NUP210L: variants seen among roughly 807,000 people sequenced by gnomAD.
The protein encoded by NUP210L is nucleoporin 210 like.
Under a neutral mutation model 208.5 loss-of-function variants are expected in NUP210L, and 74 were observed. The ratio of observed to expected loss-of-function variants is 0.35; its 90% CI spans 0.29 to 0.43. The LOEUF (loss-of-function observed/expected upper bound fraction) is 0.43, where lower values mean the gene tolerates loss of function less well. NUP210L is among the 20% of genes least tolerant of loss of function. The probability of loss-of-function intolerance (pLI) is 1.00; values close to 1 mark genes in which losing one functional copy is unlikely to be tolerated. For synonymous variants in NUP210L, 780 were observed against 816.9 expected (o/e 0.95, Z 0.77); for missense variants, 1,843 against 2,289.4 (o/e 0.81, Z 3.98).
rs866622182 is a variant in NUP210L, at chr1:154,112,299, G to A, written c.1620+5426C>T. 5.9e-5 allele frequency among the ~76,000 whole-genome samples: 9 copies of A among 152,120 alleles called. No individual in the cohort carries two copies. In the Middle Eastern group the frequency reaches 0.01, roughly 172 times the overall value. On this transcript the variant is annotated intron_variant, in intron 12 of 39. Coordinates refer to ENST00000368559, the Ensembl canonical transcript of NUP210L. ...CTCACTCCTGTAATCCTAACACTTC[G>A]GGAGGCTGAGGTGGGAGGATTGCTT...
Position 154,001,998 on chromosome 1 carries a change from G to A in NUP210L, c.4931-13C>T, listed in dbSNP as rs759605210. The stretch of plus-strand genomic sequence containing the variant: ...CAGACATAAACCCCTGGAAAAAAAA[G>A]AGGAAAAACTGAGCAGGAAGGTTCA... On this transcript the variant is annotated splice_polypyrimidine_tract_variant and intron_variant, in intron 35 of 39. Transcript: ENST00000368559. 8 of 1,611,276 alleles carry A rather than the reference G, an allele frequency of 5.0e-6. No homozygotes were observed. The African/African-American group carries it at 5.3e-5, about 11-fold the overall frequency.
exon 35 of NUP210L, chr1:154,010,026 C>T: frequency 6.2e-7 from 1 of 1,613,496 alleles, no homozygotes; most frequent in South Asian, 1.1e-5. Flanking sequence ...GCTGGAATGT[C>T]TAGCAAAGTA....
intron 27 of NUP210L, among the ~76,000 whole-genome samples, chr1:154,034,877 T>C (rs1652447131): frequency 6.6e-6 from 1 of 151,224 alleles, no homozygotes; most frequent in South Asian, 2.1e-4. Context: ...AATCTTGCTC[T>C]GTTGCCCAGG....
chr1:154,099,731 C>G (rs759117609), intron 14 of NUP210L, among the ~76,000 whole-genome samples: 6 of 152,116 alleles, frequency 3.9e-5, no homozygotes, highest in Admixed American at 6.5e-5. Flanking sequence ...ATATTTTATA[C>G]CTCAGTAAAA....
At chr1:154,082,262 G>C (rs1423617599) in intron 16 of NUP210L, among the ~76,000 whole-genome samples, 1 of 152,176 alleles carries the variant, frequency 6.6e-6, no homozygotes, top group Non-Finnish European at 1.5e-5. Context: ...TCTGAAGTGA[G>C]GGCAGTCTTG....
chr1:154,121,659 G>A (rs1254230444), intron 10 of NUP210L, among the ~76,000 whole-genome samples: 2 of 152,142 alleles, frequency 1.3e-5, no homozygotes, highest in Non-Finnish European at 2.9e-5. Flanking sequence ...CTGAGGTCAG[G>A]AGTTTGAGAC....
At chr1:154,122,529 G>T (rs934708538) in intron 10 of NUP210L, among the ~76,000 whole-genome samples, 2 of 152,000 alleles carry the variant, frequency 1.3e-5, no homozygotes, top group Non-Finnish European at 2.9e-5. Context: ...GGTGGCAGGC[G>T]CCTGTAGTCC....
chr1:154,011,679 GTTTTTTTTT>G (rs34653809), intron 34 of NUP210L, among the ~76,000 whole-genome samples: 4 of 78,422 alleles, frequency 5.1e-5, no homozygotes, highest in African/African-American at 2.0e-4. Context: ...ATTATCTTAA[GTTTTTTTTT>G]TTTTTTTTTT....
chr1:154,055,125 T>TTCTTTC (rs1553228853), intron 23 of NUP210L, among the ~76,000 whole-genome samples: 1 of 18,632 alleles, frequency 5.4e-5, no homozygotes. Context: ...TTTCTTTCTT[T>TTCTTTC]TCTTTCTTTC....
intron 17 of NUP210L, among the ~76,000 whole-genome samples, chr1:154,062,047 C>T (rs1654170020): frequency 6.6e-6 from 1 of 151,986 alleles, no homozygotes; most frequent in Non-Finnish European, 1.5e-5. Flanking sequence ...AGGCTGGTCT[C>T]GAATTCCTGA....
At chr1:154,126,356 T>G in exon 10 of NUP210L, 1 of 1,613,506 alleles carries the variant, frequency 6.2e-7, no homozygotes, top group Non-Finnish European at 8.5e-7. Flanking sequence ...ATGCATTTAT[T>G]ACCACAACAC....
At position 154,125,752 on chromosome 1, in the gene NUP210L, GTTTTTTTTTT is replaced by G. The variant is rs1162421953; in HGVS notation, c.1326+561_1326+570del. On this transcript the variant is annotated intron_variant, in intron 10 of 39. Transcript: ENST00000368559. ...AAGGAAGGAAGGGAGGGAGGGAAAT[GTTTTTTTTTT>G]TTTTTTTTTTTTTTTTTTTTTTTGA... Among the ~76,000 whole-genome samples the G allele has an allele frequency of 4.2e-3, 13 of 3,064 alleles. 5 individuals are homozygous for G. The highest frequency in any genetic ancestry group is 8.6e-3 in the African/African-American group (13 of 1,510). The allele number at this position is 3,064 out of a possible 152,430, so 2.0% of individuals were successfully genotyped here. A position where few individuals can be genotyped will look rare whatever the true frequency, so the allele number is the denominator to read the frequency against.
At chr1:153,994,665 CTGTT>C (rs1649717872) in intron 38 of NUP210L, among the ~76,000 whole-genome samples, 1 of 151,856 alleles carries the variant, frequency 6.6e-6, no homozygotes, top group African/African-American at 2.4e-5. Context: ...TTAGTTTACA[CTGTT>C]TGTTAAAATT....
chr1:154,029,350 C>A (rs1652081379), intron 28 of NUP210L, among the ~76,000 whole-genome samples: 1 of 129,642 alleles, frequency 7.7e-6, no homozygotes, highest in African/African-American at 3.0e-5. Flanking sequence ...TGCACTCCAG[C>A]CTGGGCAACA....
intron 16 of NUP210L, among the ~76,000 whole-genome samples, chr1:154,074,633 C>T (rs937161744): frequency 6.6e-6 from 1 of 151,632 alleles, no homozygotes; most frequent in African/African-American, 2.4e-5. Context: ...GGACTACAGG[C>T]ACCCGCCACT....
At chr1:154,074,358 G>A (rs951662360) in intron 16 of NUP210L, among the ~76,000 whole-genome samples, 2 of 151,920 alleles carry the variant, frequency 1.3e-5, no homozygotes, top group African/African-American at 4.8e-5. Flanking sequence ...CTGGAAAAAA[G>A]CATCCTTTTT....
chr1:154,040,754 A>AT (rs917813418), intron 27 of NUP210L, among the ~76,000 whole-genome samples: 128 of 151,044 alleles, frequency 8.5e-4, no homozygotes, highest in African/African-American at 2.2e-3. Context: ...TCCCGGCTAA[A>AT]TTTTTTTTTA....
intron 4 of NUP210L, among the ~76,000 whole-genome samples, chr1:154,140,606 G>A (rs1658801373): frequency 6.7e-6 from 1 of 149,844 alleles, no homozygotes; most frequent in Non-Finnish European, 1.5e-5. Context: ...GGTGGAGGCT[G>A]TAGTGAGCCG....
chr1:153,998,217 A>G (rs188193544), intron 37 of NUP210L, among the ~76,000 whole-genome samples: 1 of 152,274 alleles, frequency 6.6e-6, no homozygotes, highest in East Asian at 1.9e-4. Context: ...GCCTATATTA[A>G]TAATCAGTGA....
Sources: allele counts gnomAD v4.1 joint callset (sites outside exome capture counted in the v4.1 genomes callset), GRCh38; gene constraint gnomAD v4.1.1; transcripts MANE v1.5; gene names NCBI Gene and HGNC (gene_info 2026-07-23, HGNC 2026-07-21).